MMD: variants seen among roughly 807,000 people sequenced by gnomAD.
MMD encodes monocyte to macrophage differentiation associated.
Under a neutral mutation model 33.6 loss-of-function variants are expected in MMD, and 22 were observed. The observed-to-expected ratio is 0.66, with a 90% CI of 0.47 to 0.94. MMD has a LOEUF of 0.94. Ranked by LOEUF, MMD falls within the 40% of genes least tolerant of loss-of-function variation. MMD has a pLI of 0.00. For synonymous variants in MMD, 97 were observed against 103.2 expected, an observed-to-expected ratio of 0.94 and a Z score of 0.36; for missense variants, 242 against 309.8, an observed-to-expected ratio of 0.78 and a Z score of 1.64.
intron 1 of MMD, among the ~76,000 whole-genome samples, chr17:55,419,269 A>G (rs901710678): frequency 1.1e-4 from 16 of 152,252 alleles, no homozygotes; most frequent in Non-Finnish European, 2.1e-4. Flanking sequence ...ATTGCCATCA[A>G]TCAGAGATGC....
chr17:55,394,004 C>A lies in MMD; in HGVS notation c.*330G>T, dbSNP rs530686616. ...AGGTTTGTTATTGCACTGACTTTTACAACCTGACATAGTAATTTAGAAAAA... is the reference window on the plus strand; with the variant it reads ...AGGTTTGTTATTGCACTGACTTTTAAAACCTGACATAGTAATTTAGAAAAA... On this transcript the variant is annotated 3_prime_UTR_variant, in exon 7 of 7. Transcript: ENST00000262065. 1.2e-5 allele frequency: 2 copies of A among 171,152 alleles called. No individual in the cohort carries two copies. The highest frequency in any genetic ancestry group is 1.3e-4 in the Admixed American group (2 of 15,716). The allele number at this position is 171,152 out of a possible 1,614,324, so 10.6% of individuals were successfully genotyped here.
chr17:55,394,616 G>C (rs760020430), intron 6 of MMD, 82 bp from the exon 7 acceptor site: 3 of 1,125,752 alleles, frequency 2.7e-6, no homozygotes, highest in East Asian at 3.1e-5. Flanking sequence ...TCTCTCTAAG[G>C]CTCTTGATTT....
intron 1 of MMD, among the ~76,000 whole-genome samples, chr17:55,417,446 T>A (rs114706507): frequency 0.013 from 1,927 of 152,162 alleles, 38 homozygotes; most frequent in African/African-American, 0.043. Flanking sequence ...TCTTCCTGCT[T>A]GACCCAGTAC....
chr17:55,421,291 G>C (rs1908175501), intron 1 of MMD, among the ~76,000 whole-genome samples: 2 of 152,244 alleles, frequency 1.3e-5, no homozygotes, highest in African/African-American at 2.4e-5. Flanking sequence ...CGGAGGACTC[G>C]GGGGCGGTGC....
chr17:55,421,612 G>A, intron 1 of MMD, 58 bp downstream of exon 1: 1 of 1,586,440 alleles, frequency 6.3e-7, no homozygotes, highest in Non-Finnish European at 8.6e-7. Flanking sequence ...GCTTAACGGC[G>A]GGATTTGGGA....
chr17:55,413,321 A>AAGG (rs1907835577), intron 2 of MMD, among the ~76,000 whole-genome samples: 2 of 152,164 alleles, frequency 1.3e-5, no homozygotes, highest in Admixed American at 1.3e-4. Flanking sequence ...TTTTCCCTCA[A>AAGG]TGTCACTAAA....
intron 3 of MMD, among the ~76,000 whole-genome samples, chr17:55,409,408 G>C (rs1262873563): frequency 6.6e-6 from 1 of 152,180 alleles, no homozygotes. Context: ...TACGCTGTTA[G>C]AGTAGGTAGA....
At chr17:55,417,144 A>G (rs1907996855) in intron 1 of MMD, among the ~76,000 whole-genome samples, 1 of 152,104 alleles carries the variant, frequency 6.6e-6, no homozygotes, top group Non-Finnish European at 1.5e-5. Flanking sequence ...GCAACCCACC[A>G]GCAGATCTCA....
chr17:55,407,136 C>G (rs1422885799), intron 4 of MMD, among the ~76,000 whole-genome samples: 12 of 151,808 alleles, frequency 7.9e-5, no homozygotes, highest in Non-Finnish European at 1.6e-4. Context: ...CCTGACCAGC[C>G]TGGCCAACAT....
chr17:55,408,388 C>CA lies in MMD; in HGVS notation c.270-569dup, dbSNP rs138689480. On this transcript the variant is annotated intron_variant, in intron 3 of 6. Transcript: ENST00000262065. ...AACTTAGGAAAAACAGTAACAAAAACAAAAAATGGCACATTTACTACAAAA... is the reference window on the plus strand; with the variant it reads ...AACTTAGGAAAAACAGTAACAAAAACAAAAAAATGGCACATTTACTACAAAA... 5.4e-3 allele frequency among the ~76,000 whole-genome samples: 822 copies of CA among 152,060 alleles called. 11 individuals carry two copies. The highest frequency in any genetic ancestry group is 0.019 in the African/African-American group (798 of 41,480).
At chr17:55,396,704 C>T (rs1380279987) in intron 6 of MMD, among the ~76,000 whole-genome samples, 1 of 152,024 alleles carries the variant, frequency 6.6e-6, no homozygotes, top group Non-Finnish European at 1.5e-5. Flanking sequence ...CAAACTCCGC[C>T]TCCCAGGTTC....
chr17:55,394,493 T>A lies in MMD; in HGVS notation c.558A>T (p.Leu186Phe). The A allele has an allele frequency of 6.5e-7, 1 of 1,532,484 alleles. No individual in the cohort carries two copies. Among genetic ancestry groups the A allele is most frequent in the Admixed American group, 2.2e-5 (1 of 45,096 alleles). 94.9% of individuals were successfully genotyped at this position (1,532,484 alleles called of 1,614,324 possible). A position where few individuals can be genotyped will look rare whatever the true frequency, so the allele number is the denominator to read the frequency against. ...AGAACACAACTCCCAAGCAATAAAT[T>A]AAGCCCCCACAGGCAAGTTCCTGAA... ...DGLQELACGG[L>F]IYCLGVVFFK... The change falls in exon 7 of 7, where the codon TTA becomes TTT. Residue 186 changes from leucine (L) to phenylalanine (F), a missense_variant. Physicochemically the swap from Leu to Phe is conservative, Grantham distance 22. Transcript: ENST00000262065.
intron 4 of MMD, chr17:55,404,446 C>T (rs1200319825): frequency 2.0e-6 from 2 of 983,952 alleles, no homozygotes; most frequent in African/African-American, 3.5e-5. Flanking sequence ...CTTATGACGC[C>T]TAACTTACCC....
At chr17:55,421,600 G>A in intron 1 of MMD, 70 bp downstream of exon 1, 3 of 1,582,964 alleles carry the variant, frequency 1.9e-6, no homozygotes, top group Non-Finnish European at 2.6e-6. Flanking sequence ...CGGGAGCCGT[G>A]CGCTTAACGG....
chr17:55,395,876 T>G (rs1378467133), intron 6 of MMD, among the ~76,000 whole-genome samples: 1 of 152,178 alleles, frequency 6.6e-6, no homozygotes, highest in Non-Finnish European at 1.5e-5. Flanking sequence ...TCTTCTAGGA[T>G]AGGGGTAAGG....
At chr17:55,399,580 T>C (rs1166616009) in intron 6 of MMD, among the ~76,000 whole-genome samples, 1 of 152,218 alleles carries the variant, frequency 6.6e-6, no homozygotes, top group African/African-American at 2.4e-5. Context: ...TCATGCTGTA[T>C]TCTCTACCTG....
intron 1 of MMD, among the ~76,000 whole-genome samples, chr17:55,419,296 T>C (rs1331097346): frequency 6.6e-6 from 1 of 152,214 alleles, no homozygotes; most frequent in Non-Finnish European, 1.5e-5. Context: ...GGGGAGAGGA[T>C]GACTTTGTGT....
At chr17:55,398,339 GT>G (rs990470552) in intron 6 of MMD, among the ~76,000 whole-genome samples, 3 of 151,222 alleles carry the variant, frequency 2.0e-5, no homozygotes, top group African/African-American at 7.3e-5. Flanking sequence ...AGACATCACA[GT>G]TTTCGGATCT....
intron 6 of MMD, among the ~76,000 whole-genome samples, chr17:55,400,553 A>T (rs1907289066): frequency 2.0e-5 from 1 of 50,492 alleles, no homozygotes; most frequent in African/African-American, 1.1e-4. Flanking sequence ...GTCTCAAAAA[A>T]AAGAAAAAAA....
Sources: gnomAD v4.1 joint callset for allele counts (sites outside exome capture counted in the v4.1 genomes callset) on GRCh38, gnomAD v4.1.1 for gene constraint, MANE v1.5 for transcripts, NCBI Gene and HGNC (gene_info 2026-07-23, HGNC 2026-07-21) for gene names.